The following ADCY7 variants were observed in gnomAD, a reference collection of about 807,000 sequenced individuals.
The protein encoded by ADCY7 is adenylate cyclase type 7.
A neutral mutation model predicts 120.6 loss-of-function variants in ADCY7; 72 were observed. The ratio of observed to expected loss-of-function variants is 0.60; its 90% confidence interval spans 0.49 to 0.73. ADCY7 has a LOEUF of 0.73. Among genes scored for constraint, ADCY7 ranks in the 30% least tolerant of loss-of-function variants. The pLI is 0.00. For synonymous variants in ADCY7, 661 were observed against 628.0 expected (o/e 1.05, Z -0.78); for missense variants, 1,227 against 1,486.0 (o/e 0.83, Z 2.87).
rs552484272 is a variant in ADCY7 at position 50,300,601 on chromosome 16, G to C, written c.1077-114G>C. 9.4e-6 allele frequency: 12 copies of C among 1,280,170 alleles called. No homozygotes were observed. The East Asian group carries it at 3.1e-4, about 33-fold the overall frequency. 79.3% of individuals were successfully genotyped at this position (1,280,170 alleles called of 1,614,324 possible). A position where few individuals can be genotyped will look rare whatever the true frequency, so the allele number is the denominator to read the frequency against. ...CAGGCTGAGAACATTCTCTCCCGTG[G>C]GCTGAGCGCCTGCCCTGTTCCCACA... On this transcript the variant is annotated intron_variant, in intron 8 of 25. Transcript: ENST00000673801.
At chr16:50,272,770 C>G (rs373595570) in intron 1 of ADCY7, among the ~76,000 whole-genome samples, 2 of 152,192 alleles carry the variant, frequency 1.3e-5, no homozygotes, top group East Asian at 3.9e-4. Context: ...GATGAGACCT[C>G]CTTCTGTGTG....
At chr16:50,291,257 A>G (rs779840357) in intron 3 of ADCY7, among the ~76,000 whole-genome samples, 108 of 151,714 alleles carry the variant, frequency 7.1e-4, no homozygotes, top group Non-Finnish European at 1.1e-3. Context: ...AGGCCCAAGG[A>G]AACCATGTGG....
chr16:50,259,727 G>C (rs1343318569), intron 1 of ADCY7, among the ~76,000 whole-genome samples: 1 of 152,240 alleles, frequency 6.6e-6, no homozygotes, highest in Non-Finnish European at 1.5e-5. Flanking sequence ...GGTTTAATGG[G>C]AAAGATGCTG....
At chr16:50,311,192 C>T (rs902131966) in intron 19 of ADCY7, among the ~76,000 whole-genome samples, 1 of 152,192 alleles carries the variant, frequency 6.6e-6, no homozygotes, top group African/African-American at 2.4e-5. Context: ...GGAGCAGTTG[C>T]TTCCATCTCT....
At chr16:50,308,493 C>T (rs2036231494) in intron 16 of ADCY7, 82 bp downstream of exon 16, 3 of 1,593,976 alleles carry the variant, frequency 1.9e-6, no homozygotes, top group South Asian at 1.1e-5. Flanking sequence ...GTGAGCTTGG[C>T]TGGGCTGAGC....
In ADCY7 at chr16:50,290,644, C is replaced by A; in HGVS notation, c.359C>A (p.Ala120Asp). The change falls in exon 3 of 26, where the codon GCC (alanine) becomes GAC (aspartate). Residue 120 changes from alanine (A) to aspartate (D), a missense_variant. Coordinates refer to ENST00000673801, the MANE Select transcript of ADCY7 (RefSeq NM_001114.5). ...VLVFDAWTKAACAWEQVPFFL... is the reference protein window; with the variant it reads ...VLVFDAWTKADCAWEQVPFFL... ...GTGTTCGACGCATGGACAAAGGCGG[C>A]CTGTGCGTGGGAGCAGGTAACAGGA... 6.2e-7 allele frequency: 1 copy of A among 1,613,690 alleles called. No homozygotes were observed. The highest frequency in any genetic ancestry group is 1.1e-5 in the South Asian group (1 of 91,044).
intron 1 of ADCY7, among the ~76,000 whole-genome samples, chr16:50,249,671 G>A (rs935778485): frequency 3.3e-5 from 5 of 152,202 alleles, no homozygotes; most frequent in African/African-American, 1.2e-4. Flanking sequence ...TAAGGCCCTC[G>A]TTATCGCCCA....
chr16:50,268,913 T>C (rs2033386111), intron 1 of ADCY7, among the ~76,000 whole-genome samples: 1 of 152,198 alleles, frequency 6.6e-6, no homozygotes, highest in African/African-American at 2.4e-5. Flanking sequence ...GGCGTGTGCC[T>C]GTAGTCCCAG....
intron 1 of ADCY7, among the ~76,000 whole-genome samples, chr16:50,255,286 GC>G (rs1450215152): frequency 1.4e-5 from 2 of 148,126 alleles, no homozygotes; most frequent in Non-Finnish European, 3.0e-5. Flanking sequence ...GACAGAGTGA[GC>G]CAATTAAAAT....
chr16:50,263,610 G>C (rs1219858425), upstream of ADCY7, among the ~76,000 whole-genome samples: 1 of 152,036 alleles, frequency 6.6e-6, no homozygotes, highest in Non-Finnish European at 1.5e-5. Context: ...GAAAGCCCAG[G>C]GCCCCATAAG....
intron 1 of ADCY7, among the ~76,000 whole-genome samples, chr16:50,270,277 C>T (rs899676579): frequency 6.6e-6 from 1 of 152,168 alleles, no homozygotes; most frequent in Non-Finnish European, 1.5e-5. Context: ...TTAGTTGGAA[C>T]TGGAGAATGA....
rs1217648708 is a variant in ADCY7, at chr16:50,316,937, C to CATACAGGAGCCTTTACAAGATGATT, written c.*1440_*1464dup. The CATACAGGAGCCTTTACAAGATGATT allele has an allele frequency of 2.0e-5, 3 of 152,714 alleles. No individual in the cohort carries two copies. The highest frequency in any genetic ancestry group is 4.4e-5 in the Non-Finnish European group (3 of 68,050). 9.5% of individuals were successfully genotyped at this position (152,714 alleles called of 1,614,324 possible). ...CCGTAAAGTTCTACACAAAGTCTTG[C>CATACAGGAGCCTTTACAAGATGATT]ATACAGGAGCCTTTACAAGATGATT... On this transcript the variant is annotated 3_prime_UTR_variant, in exon 26 of 26. Transcript: ENST00000673801.
intron 22 of ADCY7, chr16:50,313,272 C>T (rs2036584619): frequency 9.6e-6 from 4 of 417,682 alleles, no homozygotes; most frequent in Non-Finnish European, 1.7e-5. Context: ...CAAAAAATTA[C>T]AAGCTGGGCT....
At chr16:50,294,213 T>C (rs2035190514) in intron 6 of ADCY7, among the ~76,000 whole-genome samples, 1 of 152,170 alleles carries the variant, frequency 6.6e-6, no homozygotes, top group Admixed American at 6.5e-5. Flanking sequence ...CGGCAAGGGC[T>C]GTGTGAGGAC....
At chr16:50,250,473 A>C (rs999266693) in intron 1 of ADCY7, among the ~76,000 whole-genome samples, 5 of 151,602 alleles carry the variant, frequency 3.3e-5, no homozygotes, top group Non-Finnish European at 7.4e-5. Context: ...AAAAAAAAAA[A>C]AAAAAACCTA....
At chr16:50,313,222 G>C (rs1317970772) in intron 22 of ADCY7, 186 bp downstream of exon 22, 5 of 667,388 alleles carry the variant, frequency 7.5e-6, no homozygotes, top group Non-Finnish European at 1.2e-5. Flanking sequence ...TTCGAGACCA[G>C]CCTGGCCAAC....
chr16:50,299,850 G>A (rs1027798950), intron 8 of ADCY7, among the ~76,000 whole-genome samples: 3 of 152,156 alleles, frequency 2.0e-5, no homozygotes, highest in Admixed American at 6.5e-5. Context: ...ACGTGGTGCC[G>A]CTTGTCATGG....
chr16:50,289,376 C>T lies in ADCY7; in HGVS notation c.171+1026C>T, dbSNP rs116184800. 2,449 of 429,596 alleles carry T rather than the reference C, an allele frequency of 5.7e-3. 53 individuals are homozygous for T. Among genetic ancestry groups the T allele is most frequent in the African/African-American group, 0.047 (2,240 of 48,104 alleles). 26.6% of individuals were successfully genotyped at this position (429,596 alleles called of 1,614,324 possible). ...ACACAGCTCTCCAGGCTGGCACCACCTATGTCATTTCCGGCCCAGGCACTT... is the reference window on the plus strand; with the variant it reads ...ACACAGCTCTCCAGGCTGGCACCACTTATGTCATTTCCGGCCCAGGCACTT... On this transcript the variant is annotated intron_variant, in intron 2 of 25. Transcript: ENST00000673801.
At chr16:50,260,129 G>T (rs1445119037) in intron 1 of ADCY7, among the ~76,000 whole-genome samples, 1 of 152,236 alleles carries the variant, frequency 6.6e-6, no homozygotes, top group Non-Finnish European at 1.5e-5. Flanking sequence ...CCCACGTAGG[G>T]TGAGCAGGAG....
Sources: gnomAD v4.1 joint callset for allele counts (sites outside exome capture counted in the v4.1 genomes callset) on GRCh38, gnomAD v4.1.1 for gene constraint, MANE v1.5 for transcripts, NCBI Gene and HGNC (gene_info 2026-07-23, HGNC 2026-07-21) for gene names.